Variants in CDKAL1 observed in about 807,000 individuals in gnomAD.
CDKAL1 encodes CDKAL1 threonylcarbamoyladenosine tRNA methylthiotransferase.
In CDKAL1, 32 loss-of-function variants were observed where a neutral mutation model predicts 68.2. The ratio of observed to expected loss-of-function variants is 0.47; its 90% CI spans 0.35 to 0.63. The LOEUF (loss-of-function observed/expected upper bound fraction) is 0.63, where lower values mean the gene tolerates loss of function less well. CDKAL1 is among the 30% of genes least tolerant of loss of function. The pLI, the probability that CDKAL1 is intolerant of heterozygous loss-of-function variation, is 0.00. For synonymous variants in CDKAL1, 234 were observed against 244.3 expected (o/e 0.96, Z 0.39); for missense variants, 606 against 696.7 (o/e 0.87, Z 1.47).
At chr6:21,066,968 C>A (rs570135867) in intron 12 of CDKAL1, among the ~76,000 whole-genome samples, 31 of 152,208 alleles carry the variant, frequency 2.0e-4, no homozygotes, top group Non-Finnish European at 4.1e-4. Context: ...TCCCTCCATT[C>A]ACACCCAGTT....
At chr6:20,780,274 T>A (rs2150374310) in intron 7 of CDKAL1, among the ~76,000 whole-genome samples, 1 of 152,322 alleles carries the variant, frequency 6.6e-6, no homozygotes, top group East Asian at 1.9e-4. Flanking sequence ...AAATTACAAA[T>A]GTTTTAATGG....
intron 5 of CDKAL1, among the ~76,000 whole-genome samples, chr6:20,675,569 T>A (rs1770050029): frequency 6.6e-6 from 1 of 152,208 alleles, no homozygotes; most frequent in Non-Finnish European, 1.5e-5. Context: ...CACCTGGTTA[T>A]ATCATAGCAA....
intron 13 of CDKAL1, among the ~76,000 whole-genome samples, chr6:21,181,434 A>G (rs1777785348): frequency 6.6e-6 from 1 of 152,078 alleles, no homozygotes; most frequent in African/African-American, 2.4e-5. Context: ...GACAAGTTCA[A>G]CCCACTCTTG....
At chr6:21,009,556 G>A (rs1231997821) in intron 11 of CDKAL1, among the ~76,000 whole-genome samples, 2 of 152,144 alleles carry the variant, frequency 1.3e-5, no homozygotes, top group Non-Finnish European at 1.5e-5. Flanking sequence ...GTTCCCCCAT[G>A]TTTATTGCAG....
At chr6:20,741,725 G>A (rs1363883731) in intron 6 of CDKAL1, among the ~76,000 whole-genome samples, 20 of 152,080 alleles carry the variant, frequency 1.3e-4, no homozygotes, top group Admixed American at 1.2e-3. Flanking sequence ...GTCATTGTAG[G>A]TTGATTCCAT....
chr6:20,875,986 TTTA>T (rs1300215982), intron 9 of CDKAL1, among the ~76,000 whole-genome samples: 1 of 152,244 alleles, frequency 6.6e-6, no homozygotes, highest in Non-Finnish European at 1.5e-5. Context: ...AACATTAATT[TTTA>T]TTAAGCACAG....
At chr6:20,946,066 A>G (rs1764221461) in intron 9 of CDKAL1, among the ~76,000 whole-genome samples, 1 of 152,214 alleles carries the variant, frequency 6.6e-6, no homozygotes, top group African/African-American at 2.4e-5. Flanking sequence ...TTTCACTGGC[A>G]AGTATAATAT....
At chr6:20,622,066 A>G (rs1456684294) in intron 4 of CDKAL1, among the ~76,000 whole-genome samples, 1 of 152,120 alleles carries the variant, frequency 6.6e-6, no homozygotes, top group Non-Finnish European at 1.5e-5. Context: ...GTTCTTACTG[A>G]TGTTTCCAGC....
intron 9 of CDKAL1, among the ~76,000 whole-genome samples, chr6:20,877,228 A>G (rs1476623119): frequency 2.6e-5 from 4 of 152,238 alleles, no homozygotes; most frequent in African/African-American, 4.8e-5. Context: ...CATAATAGCA[A>G]TTACGACTGA....
At chr6:20,773,784 G>A (rs1775051871) in intron 7 of CDKAL1, among the ~76,000 whole-genome samples, 1 of 152,140 alleles carries the variant, frequency 6.6e-6, no homozygotes, top group Admixed American at 6.5e-5. Context: ...CTGACCTCAT[G>A]ATCTGCCCGC....
chr6:20,863,509 A>G (rs1759754273), intron 9 of CDKAL1, among the ~76,000 whole-genome samples: 1 of 152,204 alleles, frequency 6.6e-6, no homozygotes, highest in Admixed American at 6.5e-5. Context: ...TATGATTCTC[A>G]GAACTGTAAA....
intron 13 of CDKAL1, among the ~76,000 whole-genome samples, chr6:21,170,811 C>T (rs1777352717): frequency 6.6e-6 from 1 of 152,098 alleles, no homozygotes; most frequent in African/African-American, 2.4e-5. Context: ...CCTAACCTCC[C>T]CAGACAGATT....
intron 8 of CDKAL1, among the ~76,000 whole-genome samples, chr6:20,811,055 A>G (rs1776794113): frequency 6.6e-6 from 1 of 152,188 alleles, no homozygotes; most frequent in Admixed American, 6.5e-5. Context: ...CATAGCAGGT[A>G]CAACGTCTTC....
chr6:21,200,050 G>A (rs1778627180), intron 14 of CDKAL1, among the ~76,000 whole-genome samples: 1 of 152,216 alleles, frequency 6.6e-6, no homozygotes, highest in South Asian at 2.1e-4. Context: ...GAGTTCCAGA[G>A]ATGAAGATTG....
At position 20,690,177 on chromosome 6, in the gene CDKAL1, CAT is replaced by C. The variant is rs550495451; in HGVS notation, c.371+40801_371+40802del. ...TTTGTATCCTACTTTTTAAAAAACA[CAT>C]GTGTTTAATGAGGTAATTTTTTAAA... On this transcript the variant is annotated intron_variant, in intron 5 of 15. Transcript: ENST00000274695. Among the ~76,000 whole-genome samples, 236 of 152,196 alleles carry C rather than the reference CAT, an allele frequency of 1.6e-3. 2 individuals carry two copies. The highest frequency in any genetic ancestry group is 5.8e-3 in the Admixed American group (89 of 15,300).
chr6:20,822,139 C>T (rs1415102992), intron 8 of CDKAL1, among the ~76,000 whole-genome samples: 2 of 152,042 alleles, frequency 1.3e-5, no homozygotes, highest in African/African-American at 2.4e-5. Flanking sequence ...TGGCTCTTTC[C>T]AGGAAAAATA....
chr6:21,066,581 G>GC (rs1771453251), intron 12 of CDKAL1, among the ~76,000 whole-genome samples: 1 of 152,030 alleles, frequency 6.6e-6, no homozygotes, highest in Non-Finnish European at 1.5e-5. Flanking sequence ...AATTCCATTA[G>GC]CCCCCTCAAG....
chr6:21,189,407 A>T (rs1047719804), intron 13 of CDKAL1, among the ~76,000 whole-genome samples: 1 of 152,254 alleles, frequency 6.6e-6, no homozygotes, highest in African/African-American at 2.4e-5. Flanking sequence ...CTTCAAAGGA[A>T]CATTCTTCCC....
At chr6:20,648,449 A>G (rs1768590683) in intron 4 of CDKAL1, among the ~76,000 whole-genome samples, 1 of 144,180 alleles carries the variant, frequency 6.9e-6, no homozygotes, top group Admixed American at 6.8e-5. Flanking sequence ...CGTGTGTGCC[A>G]AGTTACCAGA....
Sources: gnomAD v4.1 joint callset for allele counts (sites outside exome capture counted in the v4.1 genomes callset) on GRCh38, gnomAD v4.1.1 for gene constraint, MANE v1.5 for transcripts, NCBI Gene and HGNC (gene_info 2026-07-23, HGNC 2026-07-21) for gene names.